The following CCSER1 variants were observed in gnomAD, a reference collection of about 807,000 sequenced individuals.
The protein encoded by CCSER1 is serine-rich coiled-coil domain-containing protein 1.
In CCSER1, 41 loss-of-function variants were observed where a neutral mutation model predicts 82.0. The observed-to-expected ratio is 0.50, with a 90% confidence interval of 0.39 to 0.65. The LOEUF is 0.65. Among genes scored for constraint, CCSER1 ranks in the 30% least tolerant of loss-of-function variants. The pLI is 0.00. For missense variants in CCSER1, 1,119 were observed against 1,064.2 expected, an observed-to-expected ratio of 1.05 and a Z score of -0.72; for synonymous variants, 414 against 383.9, an observed-to-expected ratio of 1.08 and a Z score of -0.92.
intron 10 of CCSER1, among the ~76,000 whole-genome samples, chr4:91,360,039 C>T (rs370872881): frequency 4.6e-5 from 7 of 151,794 alleles, no homozygotes; most frequent in Non-Finnish European, 7.4e-5. Context: ...AACTCAGTTG[C>T]GTCTCATCCC....
chr4:91,210,880 T>C (rs559018771), intron 10 of CCSER1, among the ~76,000 whole-genome samples: 2 of 152,064 alleles, frequency 1.3e-5, no homozygotes, highest in East Asian at 1.9e-4. Flanking sequence ...TGTAGTTACA[T>C]AGGATAATGT....
chr4:90,248,445 C>CTCT (rs1482422807), intron 1 of CCSER1, among the ~76,000 whole-genome samples: 3 of 152,034 alleles, frequency 2.0e-5, no homozygotes, highest in African/African-American at 7.2e-5. Flanking sequence ...TACTACAGAC[C>CTCT]CTGCCTCTGA....
chr4:90,923,349 TG>T lies in CCSER1; in HGVS notation c.2095-20del. On this transcript the variant is annotated intron_variant, in intron 8 of 10. Coordinates refer to ENST00000509176, the MANE Select transcript of CCSER1 (RefSeq NM_001145065.2). ...ACACACCTCACCAACAATGTGTTGT[TG>T]CTGTTTTTTCATTTTGCAGGGAAAA... is the stretch of plus-strand genomic sequence containing the variant. 6.5e-7 allele frequency: 1 copy of T among 1,533,444 alleles called. No individual in the cohort carries two copies. The highest frequency in any genetic ancestry group is 8.8e-7 in the Non-Finnish European group (1 of 1,130,520). The allele number at this position is 1,533,444 out of a possible 1,614,324, so 95.0% of individuals were successfully genotyped here. A position where few individuals can be genotyped will look rare whatever the true frequency, so the allele number is the denominator to read the frequency against.
intron 10 of CCSER1, among the ~76,000 whole-genome samples, chr4:91,270,165 T>A (rs1290890902): frequency 6.6e-6 from 1 of 152,238 alleles, no homozygotes; most frequent in African/African-American, 2.4e-5. Context: ...AAAGAGTTAC[T>A]TAAGAATTTT....
intron 1 of CCSER1, among the ~76,000 whole-genome samples, chr4:90,284,165 TTTC>T (rs906640374): frequency 9.2e-5 from 14 of 152,166 alleles, no homozygotes; most frequent in Admixed American, 9.2e-4. Context: ...TTGTATTATT[TTTC>T]TTATTACATT....
At chr4:91,301,899 CT>C (rs1744698182) in intron 10 of CCSER1, among the ~76,000 whole-genome samples, 1 of 151,916 alleles carries the variant, frequency 6.6e-6, no homozygotes, top group South Asian at 2.1e-4. Flanking sequence ...TTCTCTTTTG[CT>C]TGTTTCTTGG....
intron 4 of CCSER1, among the ~76,000 whole-genome samples, chr4:90,403,498 C>CAAAAA (rs753570201): frequency 2.0e-4 from 9 of 45,908 alleles, no homozygotes; most frequent in Non-Finnish European, 2.1e-4. Context: ...GACTCCGTCT[C>CAAAAA]AAAAAAAAAA....
At chr4:90,608,488 T>C (rs895581313) in intron 5 of CCSER1, among the ~76,000 whole-genome samples, 3 of 152,160 alleles carry the variant, frequency 2.0e-5, no homozygotes, top group Admixed American at 6.6e-5. Flanking sequence ...GATATCCCAT[T>C]AAATTCACAG....
At chr4:91,484,033 G>A (rs1460915105) in intron 10 of CCSER1, among the ~76,000 whole-genome samples, 31 of 140,168 alleles carry the variant, frequency 2.2e-4, no homozygotes, top group African/African-American at 8.0e-4. Context: ...AAGCACTGTT[G>A]AGTCTTATTC....
At chr4:90,157,609 T>G (rs1333505120) in intron 1 of CCSER1, among the ~76,000 whole-genome samples, 1 of 152,208 alleles carries the variant, frequency 6.6e-6, no homozygotes, top group African/African-American at 2.4e-5. Context: ...CCCTTCTCGC[T>G]TCATTTCATT....
intron 6 of CCSER1, among the ~76,000 whole-genome samples, chr4:90,650,216 C>T (rs549978541): frequency 6.9e-6 from 1 of 144,822 alleles, no homozygotes; most frequent in Non-Finnish European, 1.5e-5. Flanking sequence ...GACTCCGTCT[C>T]AAAAACAAAC....
intron 10 of CCSER1, among the ~76,000 whole-genome samples, chr4:91,110,205 T>A (rs1725978502): frequency 6.6e-6 from 1 of 152,046 alleles, no homozygotes; most frequent in African/African-American, 2.4e-5. Flanking sequence ...TAAAAAAAAA[T>A]TAACACATTT....
chr4:90,280,161 CT>C (rs1390124244), intron 1 of CCSER1, among the ~76,000 whole-genome samples: 2 of 151,894 alleles, frequency 1.3e-5, no homozygotes. Flanking sequence ...ACTAATGAAT[CT>C]GATTAAAGTC....
At chr4:90,440,601 T>C (rs1346003393) in intron 4 of CCSER1, among the ~76,000 whole-genome samples, 6 of 152,140 alleles carry the variant, frequency 3.9e-5, no homozygotes, top group Admixed American at 3.3e-4. Context: ...GCAGAATTAT[T>C]GTTTTGTGTA....
chr4:90,750,233 T>A (rs905239596), intron 7 of CCSER1, among the ~76,000 whole-genome samples: 1 of 152,030 alleles, frequency 6.6e-6, no homozygotes, highest in African/African-American at 2.4e-5. Context: ...TTTCTCCCAT[T>A]TTGTGGGTTG....
chr4:90,491,811 G>T (rs927026524), intron 5 of CCSER1, among the ~76,000 whole-genome samples: 4 of 152,120 alleles, frequency 2.6e-5, no homozygotes, highest in African/African-American at 9.7e-5. Flanking sequence ...TTATATGCTG[G>T]ATTAAGTTTA....
chr4:91,221,277 T>A (rs1327708795), intron 10 of CCSER1, among the ~76,000 whole-genome samples: 1 of 152,160 alleles, frequency 6.6e-6, no homozygotes, highest in Non-Finnish European at 1.5e-5. Flanking sequence ...TTTATTTGAT[T>A]ATGTGTAAGA....
At chr4:90,185,150 C>T (rs1734385899) in intron 1 of CCSER1, among the ~76,000 whole-genome samples, 1 of 152,012 alleles carries the variant, frequency 6.6e-6, no homozygotes, top group Non-Finnish European at 1.5e-5. Context: ...ACATTCACAC[C>T]TTCACAATAT....
intron 9 of CCSER1, among the ~76,000 whole-genome samples, chr4:91,055,275 T>G (rs1743343631): frequency 1.3e-5 from 2 of 152,190 alleles, no homozygotes. Flanking sequence ...TGCTCCCTTA[T>G]ATCTATATCT....
Sources: gnomAD v4.1 joint callset for allele counts (sites outside exome capture counted in the v4.1 genomes callset) on GRCh38, gnomAD v4.1.1 for gene constraint, MANE v1.5 for transcripts, NCBI Gene and HGNC (gene_info 2026-07-23, HGNC 2026-07-21) for gene names.